KCNJ6: variants seen among roughly 807,000 people sequenced by gnomAD.
The protein encoded by KCNJ6 is potassium inwardly rectifying channel subfamily J member 6, also known as G protein-activated inward rectifier potassium channel 2.
KCNJ6 carries 9 observed loss-of-function variants against 34.2 expected under a neutral mutation model. The observed-to-expected ratio is 0.26, with a 90% CI of 0.16 to 0.46. The LOEUF is 0.46. Among genes scored for constraint, KCNJ6 ranks in the 20% least tolerant of loss-of-function variants. The pLI is 1.00. For synonymous variants in KCNJ6, 196 were observed against 207.1 expected, an observed-to-expected ratio of 0.95 and a Z score of 0.46; for missense variants, 236 against 531.3, an observed-to-expected ratio of 0.44 and a Z score of 5.46.
intron 2 of KCNJ6, among the ~76,000 whole-genome samples, chr21:37,742,975 G>C (rs978884426): frequency 6.6e-6 from 1 of 152,072 alleles, no homozygotes; most frequent in African/African-American, 2.4e-5. Flanking sequence ...TGTCTCCCAG[G>C]CTCTTCCTCA....
chr21:37,640,708 C>A (rs139456539), intron 3 of KCNJ6, among the ~76,000 whole-genome samples: 107 of 152,338 alleles, frequency 7.0e-4, no homozygotes, highest in African/African-American at 2.6e-3. Flanking sequence ...TTTCAAAATA[C>A]TCTTTGATGC....
At chr21:37,839,697 C>T (rs990759763) in intron 2 of KCNJ6, among the ~76,000 whole-genome samples, 3 of 152,122 alleles carry the variant, frequency 2.0e-5, no homozygotes, top group African/African-American at 7.2e-5. Flanking sequence ...AAAAATATGC[C>T]TTGTATTTCA....
At chr21:37,715,715 T>C (rs2054786916) in intron 2 of KCNJ6, among the ~76,000 whole-genome samples, 1 of 152,098 alleles carries the variant, frequency 6.6e-6, no homozygotes, top group Admixed American at 6.5e-5. Flanking sequence ...CTGGTATCCT[T>C]ATGCGAAGAG....
chr21:37,848,183 G>A (rs2055519649), intron 1 of KCNJ6, among the ~76,000 whole-genome samples: 1 of 152,194 alleles, frequency 6.6e-6, no homozygotes. Context: ...GGCAACCCAC[G>A]CTGGTGAGCC....
intron 3 of KCNJ6, among the ~76,000 whole-genome samples, chr21:37,673,260 C>T (rs2054550129): frequency 6.6e-6 from 1 of 152,338 alleles, no homozygotes; most frequent in African/African-American, 2.4e-5. Flanking sequence ...GGGCAGCCTG[C>T]TGGAGCTAGG....
At chr21:37,853,167 C>T (rs970972311) in intron 1 of KCNJ6, among the ~76,000 whole-genome samples, 5 of 144,838 alleles carry the variant, frequency 3.5e-5, no homozygotes, top group Non-Finnish European at 7.6e-5. Flanking sequence ...AAAACAACTA[C>T]AGATCCAAGG....
intron 3 of KCNJ6, among the ~76,000 whole-genome samples, chr21:37,702,310 C>A (rs1455356459): frequency 6.7e-6 from 1 of 150,196 alleles, no homozygotes; most frequent in African/African-American, 2.5e-5. Flanking sequence ...AGCAGATAGA[C>A]CAGTTGAACG....
chr21:37,885,469 A>G (rs1033299003), intron 1 of KCNJ6, among the ~76,000 whole-genome samples: 2 of 152,214 alleles, frequency 1.3e-5, no homozygotes, highest in Admixed American at 1.3e-4. Context: ...TTCCCAATGA[A>G]TTGACTTTAA....
chr21:37,805,059 C>T (rs1043854953), intron 2 of KCNJ6, among the ~76,000 whole-genome samples: 1 of 152,044 alleles, frequency 6.6e-6, no homozygotes, highest in Non-Finnish European at 1.5e-5. Flanking sequence ...ATGAAATATT[C>T]ACAACAGGAA....
chr21:37,758,687 C>T (rs183972701), intron 2 of KCNJ6, among the ~76,000 whole-genome samples: 109 of 152,192 alleles, frequency 7.2e-4, no homozygotes, highest in African/African-American at 2.6e-3. Context: ...GCCCAGGCTG[C>T]AGTGCAGTGG....
chr21:37,762,541 C>T (rs1028744341), intron 2 of KCNJ6, among the ~76,000 whole-genome samples: 21 of 152,172 alleles, frequency 1.4e-4, no homozygotes, highest in African/African-American at 4.6e-4. Flanking sequence ...AAGCAGAGCC[C>T]GTTTCTTTTT....
chr21:37,888,408 G>T (rs2055745936), intron 1 of KCNJ6, among the ~76,000 whole-genome samples: 1 of 152,144 alleles, frequency 6.6e-6, no homozygotes, highest in Non-Finnish European at 1.5e-5. Context: ...AGATAGTCTT[G>T]GAAGTCTGGG....
intron 1 of KCNJ6, among the ~76,000 whole-genome samples, chr21:37,907,710 T>C (rs527902198): frequency 2.0e-5 from 3 of 152,324 alleles, no homozygotes. Context: ...AGAACAATTA[T>C]AATCCTTCCT....
chr21:37,768,546 T>C (rs1050247173), intron 2 of KCNJ6, among the ~76,000 whole-genome samples: 4 of 152,214 alleles, frequency 2.6e-5, no homozygotes, highest in South Asian at 2.1e-4. Context: ...TCATAGTGCA[T>C]AGATTCATGA....
intron 1 of KCNJ6, among the ~76,000 whole-genome samples, chr21:37,874,536 A>G (rs1325402971): frequency 6.6e-6 from 1 of 152,216 alleles, no homozygotes; most frequent in Non-Finnish European, 1.5e-5. Flanking sequence ...ATGTCATTTA[A>G]TTTATCCCAA....
chr21:37,716,073 C>A (rs1406168063), intron 2 of KCNJ6, among the ~76,000 whole-genome samples: 3 of 152,194 alleles, frequency 2.0e-5, no homozygotes, highest in Non-Finnish European at 2.9e-5. Flanking sequence ...AACAGACTTG[C>A]AATCAATATT....
chr21:37,857,043 C>T (rs140637087), intron 1 of KCNJ6, among the ~76,000 whole-genome samples: 49 of 152,270 alleles, frequency 3.2e-4, no homozygotes, highest in Middle Eastern at 3.4e-3. Flanking sequence ...AAAATCTCTG[C>T]GGATAAAAGT....
intron 1 of KCNJ6, among the ~76,000 whole-genome samples, chr21:37,846,793 GC>G (rs1162940236): frequency 3.3e-5 from 5 of 152,238 alleles, no homozygotes; most frequent in African/African-American, 1.2e-4. Flanking sequence ...CCTCAACAGG[GC>G]CTCACCTCTG....
chr21:37,863,309 A>T (rs1287498020), intron 1 of KCNJ6, among the ~76,000 whole-genome samples: 1 of 152,132 alleles, frequency 6.6e-6, no homozygotes, highest in Non-Finnish European at 1.5e-5. Context: ...AGTAACCAAC[A>T]CAGTAGCCCC....
Sources: gnomAD v4.1 joint callset for allele counts (sites outside exome capture counted in the v4.1 genomes callset) on GRCh38, gnomAD v4.1.1 for gene constraint, MANE v1.5 for transcripts, NCBI Gene and HGNC (gene_info 2026-07-23, HGNC 2026-07-21) for gene names.